Variants in FOXN3 observed in about 807,000 individuals in gnomAD.
FOXN3 encodes the protein forkhead box protein N3.
In FOXN3, 7 loss-of-function variants were observed where a neutral mutation model predicts 38.4. The observed-to-expected ratio is 0.18, with a 90% confidence interval of 0.10 to 0.34. The LOEUF is 0.34. FOXN3 is among the 10% of genes least tolerant of loss of function. The pLI, the probability that FOXN3 is intolerant of heterozygous loss-of-function variation, is 1.00. For synonymous variants in FOXN3, 230 were observed against 242.2 expected (o/e 0.95, Z 0.47); for missense variants, 456 against 613.4 (o/e 0.74, Z 2.71).
intron 4 of FOXN3, among the ~76,000 whole-genome samples, chr14:89,245,993 T>A (rs559786360): frequency 6.6e-6 from 1 of 152,280 alleles, no homozygotes; most frequent in Non-Finnish European, 1.5e-5. Flanking sequence ...ATTTAATAAG[T>A]CATCATTTGG....
intron 3 of FOXN3, among the ~76,000 whole-genome samples, chr14:89,324,883 G>A (rs976025765): frequency 6.6e-6 from 1 of 152,168 alleles, no homozygotes; most frequent in Non-Finnish European, 1.5e-5. Flanking sequence ...AGATCCAGCA[G>A]GTCTGGGGTG....
chr14:89,367,153 C>CA (rs886350226), intron 2 of FOXN3, among the ~76,000 whole-genome samples: 5 of 152,196 alleles, frequency 3.3e-5, no homozygotes, highest in Non-Finnish European at 5.9e-5. Flanking sequence ...GATCACCAGT[C>CA]ACCCATCTTC....
chr14:89,368,188 G>A (rs1236804467), intron 2 of FOXN3, among the ~76,000 whole-genome samples: 1 of 151,792 alleles, frequency 6.6e-6, no homozygotes, highest in East Asian at 1.9e-4. Flanking sequence ...AAATTAGCCA[G>A]GCATGGTGGC....
In FOXN3 at chr14:89,490,925, C is replaced by A. The variant is rs567269455; in HGVS notation, c.-14-78435G>T. 3.9e-5 allele frequency among the ~76,000 whole-genome samples: 6 copies of A among 152,298 alleles called. No individual in the cohort carries two copies. In the East Asian group the frequency reaches 1.2e-3, roughly 29 times the overall value. On this transcript the variant is annotated intron_variant, in intron 1 of 6. Coordinates refer to the FOXN3 transcript ENST00000345097. ...TCCTACAAAAGTACATACGTCATGG[C>A]CCTTGTCTTTAATACATTTACATAT...
intron 1 of FOXN3, among the ~76,000 whole-genome samples, chr14:89,555,500 G>A (rs1895098054): frequency 6.6e-6 from 1 of 152,094 alleles, no homozygotes. Flanking sequence ...TTAGCAGTAA[G>A]GATAAGCATC....
chr14:89,268,958 G>A (rs1886065325), intron 4 of FOXN3, among the ~76,000 whole-genome samples: 2 of 152,106 alleles, frequency 1.3e-5, no homozygotes, highest in South Asian at 2.1e-4. Flanking sequence ...AAAACACAGA[G>A]ACAAAAGTCT....
chr14:89,493,274 C>A (rs1401947754), intron 1 of FOXN3, among the ~76,000 whole-genome samples: 1 of 152,156 alleles, frequency 6.6e-6, no homozygotes, highest in Admixed American at 6.5e-5. Flanking sequence ...ATTAAAAACT[C>A]AGTGTAAATT....
chr14:89,223,685 G>A (rs530162733), intron 4 of FOXN3, among the ~76,000 whole-genome samples: 4 of 152,214 alleles, frequency 2.6e-5, no homozygotes, highest in African/African-American at 4.8e-5. Context: ...GGCCGGGTGC[G>A]GCGCTGGTTG....
At chr14:89,204,880 T>C (rs1183340689) in intron 4 of FOXN3, among the ~76,000 whole-genome samples, 2 of 148,988 alleles carry the variant, frequency 1.3e-5, no homozygotes, top group South Asian at 2.1e-4. Flanking sequence ...ACAAAAGATA[T>C]CGTTATGCTG....
chr14:89,525,081 A>AAT (rs1894407035), intron 1 of FOXN3, among the ~76,000 whole-genome samples: 2 of 152,006 alleles, frequency 1.3e-5, no homozygotes, highest in Admixed American at 6.6e-5. Flanking sequence ...TGGGGAGGGG[A>AAT]ATATGTCAGA....
At chr14:89,432,166 G>C (rs1395143584) in intron 1 of FOXN3, among the ~76,000 whole-genome samples, 3 of 152,296 alleles carry the variant, frequency 2.0e-5, no homozygotes, top group Admixed American at 2.0e-4. Context: ...CTGTGGAAGG[G>C]TATAAAGGAA....
At chr14:89,312,128 T>C (rs774778999) in intron 3 of FOXN3, among the ~76,000 whole-genome samples, 1 of 150,472 alleles carries the variant, frequency 6.6e-6, no homozygotes, top group Non-Finnish European at 1.5e-5. Flanking sequence ...CTACTAAAAA[T>C]ACAAAAAGTA....
chr14:89,291,968 TA>T (rs1886886750), intron 3 of FOXN3, among the ~76,000 whole-genome samples: 1 of 152,068 alleles, frequency 6.6e-6, no homozygotes, highest in African/African-American at 2.4e-5. Context: ...CACTGGGGAA[TA>T]AAACTGCTCC....
At chr14:89,346,951 G>A (rs530171932) in intron 3 of FOXN3, among the ~76,000 whole-genome samples, 32 of 151,884 alleles carry the variant, frequency 2.1e-4, no homozygotes, top group Non-Finnish European at 3.7e-4. Flanking sequence ...GCTCATCACC[G>A]TCCCAGCTTT....
chr14:89,274,870 C>G (rs1255812824), intron 4 of FOXN3, among the ~76,000 whole-genome samples: 1 of 152,176 alleles, frequency 6.6e-6, no homozygotes, highest in Non-Finnish European at 1.5e-5. Context: ...TTTGCCCCAT[C>G]CTGAGAACTG....
intron 4 of FOXN3, among the ~76,000 whole-genome samples, 190 bp from the exon 5 acceptor site, chr14:89,180,996 ACT>A (rs1887659172): frequency 1.3e-5 from 2 of 151,192 alleles, no homozygotes; most frequent in East Asian, 3.9e-4. Flanking sequence ...ACAGACACAC[ACT>A]CACACAGTCA....
intron 3 of FOXN3, among the ~76,000 whole-genome samples, chr14:89,328,321 G>A (rs892143263): frequency 1.3e-5 from 2 of 152,048 alleles, no homozygotes; most frequent in African/African-American, 4.8e-5. Context: ...GGATGAATGG[G>A]CAAAGAGACA....
At chr14:89,525,126 G>C (rs959826472) in intron 1 of FOXN3, among the ~76,000 whole-genome samples, 1 of 152,088 alleles carries the variant, frequency 6.6e-6, no homozygotes, top group African/African-American at 2.4e-5. Context: ...TCTTGAATAG[G>C]GGCTGGGTAA....
At chr14:89,537,979 T>C (rs75953456) in intron 1 of FOXN3, among the ~76,000 whole-genome samples, 3,121 of 152,332 alleles carry the variant, frequency 0.02, 61 homozygotes, top group Non-Finnish European at 0.031. Flanking sequence ...CACCACAGTT[T>C]ATTACTATCC....
Sources: gnomAD v4.1 joint callset for allele counts (sites outside exome capture counted in the v4.1 genomes callset) on GRCh38, gnomAD v4.1.1 for gene constraint, MANE v1.5 for transcripts, NCBI Gene and HGNC (gene_info 2026-07-23, HGNC 2026-07-21) for gene names.